Variants in ADAMTS12 observed in about 807,000 individuals in gnomAD.
ADAMTS12 encodes the protein A disintegrin and metalloproteinase with thrombospondin motifs 12.
In ADAMTS12, 118 loss-of-function variants were observed where a neutral mutation model predicts 167.8. That is an observed-to-expected ratio of 0.70 (90% CI 0.61 to 0.82). The LOEUF is 0.82. Ranked by LOEUF, ADAMTS12 falls within the 40% of genes least tolerant of loss-of-function variation. The pLI is 0.00. For synonymous variants in ADAMTS12, 704 were observed against 716.9 expected (o/e 0.98, Z 0.29); for missense variants, 1,916 against 1,998.8 (o/e 0.96, Z 0.79).
intron 1 of ADAMTS12, among the ~76,000 whole-genome samples, chr5:33,890,712 T>G (rs1024100663): frequency 1.3e-5 from 2 of 152,118 alleles, no homozygotes; most frequent in Non-Finnish European, 2.9e-5. Flanking sequence ...TGGGTGCATA[T>G]GCGTGTGTGT....
At chr5:33,839,507 C>A (rs939306184) in intron 2 of ADAMTS12, among the ~76,000 whole-genome samples, 3 of 152,102 alleles carry the variant, frequency 2.0e-5, no homozygotes, top group African/African-American at 7.2e-5. Context: ...TTTACAGGAT[C>A]CCAGGTCAAT....
At chr5:33,717,991 G>A (rs1743674295) in intron 3 of ADAMTS12, among the ~76,000 whole-genome samples, 1 of 152,192 alleles carries the variant, frequency 6.6e-6, no homozygotes, top group Admixed American at 6.5e-5. Flanking sequence ...TCCCATTTGT[G>A]AGGCAAAAGT....
Position 33,720,785 on chromosome 5 carries a change from A to C in ADAMTS12, c.634+30619T>G, listed in dbSNP as rs150358389. On this transcript the variant is annotated intron_variant, in intron 3 of 23. Coordinates refer to ENST00000504830, the MANE Select transcript of ADAMTS12 (RefSeq NM_030955.4). ...GGTACAACCATTTTGCAAAACTGAC[A>C]GTTTCAACTAAAGCTTAACATATGC... 2.0e-3 allele frequency among the ~76,000 whole-genome samples: 302 copies of C among 152,296 alleles called. 2 individuals carry two copies. The highest frequency in any genetic ancestry group is 6.9e-3 in the African/African-American group (286 of 41,562).
intron 2 of ADAMTS12, among the ~76,000 whole-genome samples, chr5:33,762,463 G>A (rs993986022): frequency 1.2e-4 from 18 of 152,034 alleles, no homozygotes; most frequent in Admixed American, 3.3e-4. Flanking sequence ...AGCCGAGATC[G>A]TGCTACTGCA....
At chr5:33,697,817 G>T (rs1467871578) in intron 3 of ADAMTS12, among the ~76,000 whole-genome samples, 1 of 152,262 alleles carries the variant, frequency 6.6e-6, no homozygotes, top group Non-Finnish European at 1.5e-5. Flanking sequence ...AATGGGGAAA[G>T]GGTACAGGGG....
chr5:33,545,903 C>G (rs1201814897), intron 22 of ADAMTS12, among the ~76,000 whole-genome samples, 156 bp downstream of exon 22: 1 of 151,656 alleles, frequency 6.6e-6, no homozygotes, highest in South Asian at 2.1e-4. Context: ...GGAGAAATAC[C>G]TAATGTAAAT....
At chr5:33,799,735 G>C (rs1487344731) in intron 2 of ADAMTS12, among the ~76,000 whole-genome samples, 1 of 152,182 alleles carries the variant, frequency 6.6e-6, no homozygotes, top group African/African-American at 2.4e-5. Context: ...CAAAATAGTT[G>C]AGTGAATATC....
intron 6 of ADAMTS12, among the ~76,000 whole-genome samples, chr5:33,659,609 A>C (rs1741183813): frequency 6.6e-6 from 1 of 152,218 alleles, no homozygotes; most frequent in African/African-American, 2.4e-5. Flanking sequence ...AGTGGCTAAC[A>C]AAAGAATTAT....
At chr5:33,829,193 T>G (rs1748206091) in intron 2 of ADAMTS12, among the ~76,000 whole-genome samples, 1 of 152,136 alleles carries the variant, frequency 6.6e-6, no homozygotes, top group Non-Finnish European at 1.5e-5. Context: ...CAGAGACTCA[T>G]ACTCATGAGC....
intron 3 of ADAMTS12, 186 bp downstream of exon 3, chr5:33,751,218 C>T (rs1744962557): frequency 2.8e-6 from 2 of 727,046 alleles, no homozygotes; most frequent in South Asian, 4.0e-5. Context: ...AGGGTTTATA[C>T]AAGCAAAAAG....
At chr5:33,635,769 A>T (rs879441506) in intron 12 of ADAMTS12, among the ~76,000 whole-genome samples, 1 of 152,208 alleles carries the variant, frequency 6.6e-6, no homozygotes, top group African/African-American at 2.4e-5. Context: ...TAACTAAGCA[A>T]ATAGCAACTC....
chr5:33,849,018 G>A (rs1210479045), intron 2 of ADAMTS12, among the ~76,000 whole-genome samples: 1 of 147,002 alleles, frequency 6.8e-6, no homozygotes, highest in East Asian at 2.0e-4. Context: ...ATATATATAT[G>A]TATTGCATAG....
intron 2 of ADAMTS12, among the ~76,000 whole-genome samples, chr5:33,846,971 AC>A (rs1324108723): frequency 6.6e-6 from 1 of 152,182 alleles, no homozygotes; most frequent in Non-Finnish European, 1.5e-5. Flanking sequence ...TCTCTTGCCC[AC>A]CAATACCTCC....
intron 20 of ADAMTS12, among the ~76,000 whole-genome samples, chr5:33,552,141 T>A (rs967811930): frequency 2.0e-5 from 3 of 152,232 alleles, no homozygotes; most frequent in Admixed American, 6.5e-5. Flanking sequence ...CTTAGCTTAC[T>A]GGGGCCACTG....
intron 16 of ADAMTS12, among the ~76,000 whole-genome samples, chr5:33,607,690 G>A (rs778517375): frequency 2.0e-5 from 3 of 151,980 alleles, no homozygotes; most frequent in Non-Finnish European, 4.4e-5. Context: ...ATTTCTTTGA[G>A]CAGTGTTTTG....
intron 3 of ADAMTS12, 171 bp downstream of exon 3, chr5:33,751,233 T>C (rs1009399624): frequency 2.5e-6 from 2 of 810,714 alleles, no homozygotes; most frequent in African/African-American, 3.5e-5. Context: ...AAAAAGAATG[T>C]ACACTTTCTG....
chr5:33,616,849 A>C (rs2112100698), intron 14 of ADAMTS12, among the ~76,000 whole-genome samples: 1 of 152,354 alleles, frequency 6.6e-6, no homozygotes, highest in African/African-American at 2.4e-5. Context: ...AATGGTCATT[A>C]TGGTAAGAGG....
intron 2 of ADAMTS12, among the ~76,000 whole-genome samples, chr5:33,785,465 G>A (rs750459919): frequency 4.6e-5 from 7 of 152,076 alleles, no homozygotes; most frequent in African/African-American, 9.7e-5. Flanking sequence ...GTGTGTGTAC[G>A]TGTGTGTTTG....
Position 33,527,133 on chromosome 5 carries a change from C to T in ADAMTS12, c.*55G>A. On this transcript the variant is annotated 3_prime_UTR_variant, in exon 24 of 24. Transcript: ENST00000504830. The stretch of plus-strand genomic sequence containing the variant: ...AACGAAGCAGCTCCCAGGGCTAAAG[C>T]ATGTCATGGTCAGCAGGCTGCTGCA... The T allele has an allele frequency of 6.3e-7, 1 of 1,597,534 alleles. No individual in the cohort carries two copies. Among genetic ancestry groups the T allele is most frequent in the South Asian group, 1.1e-5 (1 of 90,000 alleles).
Sources: allele counts gnomAD v4.1 joint callset (sites outside exome capture counted in the v4.1 genomes callset), GRCh38; gene constraint gnomAD v4.1.1; transcripts MANE v1.5; gene names NCBI Gene and HGNC (gene_info 2026-07-23, HGNC 2026-07-21).